IGDCC3: variants seen among roughly 807,000 people sequenced by gnomAD.
IGDCC3 encodes the protein putative neuronal cell adhesion molecule.
Under a neutral mutation model 72.0 loss-of-function variants are expected in IGDCC3, and 47 were observed. The observed-to-expected ratio is 0.65, with a 90% confidence interval of 0.52 to 0.83. The LOEUF is 0.83. IGDCC3 is among the 40% of genes least tolerant of loss of function. The probability of loss-of-function intolerance (pLI) is 0.00; values close to 1 mark genes in which losing one functional copy is unlikely to be tolerated. For synonymous variants in IGDCC3, 477 were observed against 472.8 expected, an observed-to-expected ratio of 1.01 and a Z score of -0.11; for missense variants, 1,038 against 1,091.3, an observed-to-expected ratio of 0.95 and a Z score of 0.69.
chr15:65,370,454 C>G (rs1020663875), intron 2 of IGDCC3, among the ~76,000 whole-genome samples: 1 of 147,420 alleles, frequency 6.8e-6, no homozygotes, highest in African/African-American at 2.5e-5. Context: ...GCAGATGTTG[C>G]AGTGAGCTGA....
chr15:65,340,217 G>T (rs956199631), intron 2 of IGDCC3, among the ~76,000 whole-genome samples: 1 of 152,212 alleles, frequency 6.6e-6, no homozygotes, highest in South Asian at 2.1e-4. Flanking sequence ...GGAGGGGAGG[G>T]GAACTCTCTT....
chr15:65,360,082 T>C (rs750414055), intron 2 of IGDCC3, among the ~76,000 whole-genome samples: 2 of 152,100 alleles, frequency 1.3e-5, no homozygotes, highest in Admixed American at 6.6e-5. Context: ...TGCAGACAAG[T>C]GGGAGGGATA....
chr15:65,344,051 G>C (rs774344344), intron 2 of IGDCC3, among the ~76,000 whole-genome samples: 10 of 152,178 alleles, frequency 6.6e-5, no homozygotes, highest in African/African-American at 1.4e-4. Context: ...CATCTGGGGT[G>C]GGGGAAGCAT....
intron 2 of IGDCC3, among the ~76,000 whole-genome samples, chr15:65,346,462 TC>T (rs1392195015): frequency 8.3e-6 from 1 of 120,320 alleles, no homozygotes; most frequent in Admixed American, 7.9e-5. Flanking sequence ...GAGACTCAGC[TC>T]TTTTTTTTTT....
At chr15:65,331,730 T>C in intron 7 of IGDCC3, 71 bp from the exon 8 acceptor site, 1 of 1,491,528 alleles carries the variant, frequency 6.7e-7, no homozygotes, top group South Asian at 1.3e-5. Context: ...ATTTGAAAGA[T>C]GGAGAAACTG....
At position 65,329,092 on chromosome 15, in the gene IGDCC3, A is replaced by T. The variant is rs755665607; in HGVS notation, c.2262T>A (p.Leu754=). The change falls in exon 14 of 14, where the codon CTT becomes CTA. Residue 754 remains leucine, a synonymous_variant. Transcript: ENST00000327987. This position sits in a 1 kb window ranked among gnomAD's most constrained non-coding sequence, Gnocchi z 4.1. ...TCCCCTCCATCAGGCCGCACCCCTG[A>T]AGTGGCAGCACGGAGAGCTGGGTCT... ...CEETQLSVLP[L]QGCGLMEGKT... is the part of the protein sequence containing the mutation. The T allele has an allele frequency of 3.8e-5, 62 of 1,610,972 alleles. No individual in the cohort carries two copies. The highest frequency in any genetic ancestry group is 4.9e-5 in the Non-Finnish European group (58 of 1,179,048).
At position 65,329,564 on chromosome 15, in the gene IGDCC3, C is replaced by A; in HGVS notation, c.2031G>T (p.Leu677=). The change falls in exon 13 of 14, where the codon CTG becomes CTT. Residue 677 remains leucine, a synonymous_variant. Coordinates refer to ENST00000327987, the MANE Select transcript of IGDCC3 (RefSeq NM_004884.4). The surrounding 1 kb of genome is among the most constrained non-coding windows in gnomAD (Gnocchi z 4.1). ...VLLCKDVENQ[L]SPPQGPRSQR... is the part of the protein sequence containing the mutation. ...GGCTCCGGGGACCCTGTGGAGGGGA[C>A]AGCTGGTTTTCCACATCTTTACACA... 1 of 1,611,952 alleles carries A rather than the reference C, an allele frequency of 6.2e-7. No individual in the cohort carries two copies. Among genetic ancestry groups the A allele is most frequent in the Admixed American group, 1.7e-5 (1 of 59,254 alleles).
At position 65,375,149 on chromosome 15, in the gene IGDCC3, G is replaced by C. The variant is rs2091350307; in HGVS notation, c.357C>G (p.Ala119=). 2 of 1,614,004 alleles carry C rather than the reference G, an allele frequency of 1.2e-6. No homozygotes were observed. Among genetic ancestry groups the C allele is most frequent in the Non-Finnish European group, 8.5e-7 (1 of 1,180,034 alleles). ...TGACCACCAGCCCAAAGCGGTTCTG[G>C]GCCACACACTCATAGTCACCTTCAT... is the stretch of plus-strand genomic sequence containing the variant. ...PSDEGDYECV[A]QNRFGLVVSR... Residue 119 remains alanine, a synonymous_variant, in exon 2 of 14, where the codon GCC becomes GCG. Coordinates refer to ENST00000327987, the MANE Select transcript of IGDCC3 (RefSeq NM_004884.4).
intron 2 of IGDCC3, among the ~76,000 whole-genome samples, chr15:65,353,396 G>A (rs1433410198): frequency 2.0e-5 from 3 of 151,992 alleles, no homozygotes; most frequent in African/African-American, 7.2e-5. Flanking sequence ...GACTACAGGC[G>A]CCTGCCATCA....
At chr15:65,360,334 G>A (rs2091252504) in intron 2 of IGDCC3, among the ~76,000 whole-genome samples, 1 of 152,206 alleles carries the variant, frequency 6.6e-6, no homozygotes, top group African/African-American at 2.4e-5. Context: ...CAGAAACAGA[G>A]GAGGGCACGA....
At chr15:65,362,110 G>A (rs572933159) in intron 2 of IGDCC3, among the ~76,000 whole-genome samples, 123 of 152,128 alleles carry the variant, frequency 8.1e-4, no homozygotes, top group African/African-American at 2.8e-3. Context: ...AAGTGGTACA[G>A]AGGGAGCTGG....
chr15:65,358,773 AC>A lies in IGDCC3; in HGVS notation c.409+16323del, dbSNP rs1192539218. Among the ~76,000 whole-genome samples the A allele has an allele frequency of 3.3e-4, 50 of 152,174 alleles. No individual in the cohort carries two copies. The East Asian group carries it at 8.7e-3, about 26-fold the overall frequency. On this transcript the variant is annotated intron_variant, in intron 2 of 13. Transcript: ENST00000327987. The stretch of plus-strand genomic sequence containing the variant: ...ACTCCTGGGCTCAACCGATCCTCCC[AC>A]CTCAGCCTTTTAAGTAACTGAAAAA...
chr15:65,328,644 C>T lies in IGDCC3; in HGVS notation c.*265G>A. Reference sequence around the variant, plus strand: ...GAAAAATGTTAGTTCAGTTCCAAGTCATGTGGGTACCAGGCAGAGGCAAGG... The same window carrying T: ...GAAAAATGTTAGTTCAGTTCCAAGTTATGTGGGTACCAGGCAGAGGCAAGG... On this transcript the variant is annotated 3_prime_UTR_variant, in exon 14 of 14. Transcript: ENST00000327987. 1 of 373,202 alleles carries T rather than the reference C, an allele frequency of 2.7e-6. No individual in the cohort carries two copies. The allele number at this position is 373,202 out of a possible 1,614,324, so 23.1% of individuals were successfully genotyped here. A position where few individuals can be genotyped will look rare whatever the true frequency, so the allele number is the denominator to read the frequency against.
At position 65,339,680 on chromosome 15, in the gene IGDCC3, C is replaced by T. The variant is rs775079438; in HGVS notation, c.410-3724G>A. Among the ~76,000 whole-genome samples, 1 of 152,182 alleles carries T rather than the reference C, an allele frequency of 6.6e-6. No individual in the cohort carries two copies. The highest frequency in any genetic ancestry group is 1.5e-5 in the Non-Finnish European group (1 of 68,044). ...CACCCTGAGATCTGAACAAGTCACCCTGCAGGCCACTGTGTTGCTGATGAC... is the reference window on the plus strand; with the variant it reads ...CACCCTGAGATCTGAACAAGTCACCTTGCAGGCCACTGTGTTGCTGATGAC... On this transcript the variant is annotated intron_variant, in intron 2 of 13. Transcript: ENST00000327987. This position sits in a 1 kb window ranked among gnomAD's most constrained non-coding sequence, Gnocchi z 4.1.
chr15:65,373,019 C>T (rs759244156), intron 2 of IGDCC3, among the ~76,000 whole-genome samples: 3 of 152,166 alleles, frequency 2.0e-5, no homozygotes, highest in Non-Finnish European at 4.4e-5. Context: ...CTGACCCCAC[C>T]CACAGCTTAA....
At position 65,333,367 on chromosome 15, in the gene IGDCC3, T is replaced by C. The variant is rs1235252411; in HGVS notation, c.872A>G (p.Asn291Ser). ...VEGIQVLGTGNLIISDVTVQH... is the reference protein window; with the variant it reads ...VEGIQVLGTGSLIISDVTVQH... Reference sequence around the variant, plus strand: ...GACCGTCACGTCTGAGATGATGAGGTTTCCTGTGCCCAGCACCTGGATGCC... The same window carrying C: ...GACCGTCACGTCTGAGATGATGAGGCTTCCTGTGCCCAGCACCTGGATGCC... Residue 291 changes from asparagine (N) to serine (S), a missense_variant, in exon 6 of 14, where the codon AAC becomes AGC. By Grantham distance (46) the Asn-to-Ser change is conservative (BLOSUM62 1). Transcript: ENST00000327987. 3.1e-6 allele frequency: 5 copies of C among 1,611,268 alleles called. No homozygotes were observed. The Admixed American group carries it at 8.4e-5, about 27-fold the overall frequency.
intron 2 of IGDCC3, among the ~76,000 whole-genome samples, chr15:65,343,256 G>C (rs369258370): frequency 5.3e-5 from 8 of 152,212 alleles, no homozygotes; most frequent in Admixed American, 3.9e-4. Context: ...TGGAAGAGCA[G>C]GGCGGGGGGT....
At chr15:65,346,758 C>G (rs1265283119) in intron 2 of IGDCC3, among the ~76,000 whole-genome samples, 1 of 152,148 alleles carries the variant, frequency 6.6e-6, no homozygotes, top group East Asian at 1.9e-4. Flanking sequence ...CATGCCCGGC[C>G]GAGACTCAGC....
Position 65,328,969 on chromosome 15 carries a change from T to C in IGDCC3, c.2385A>G (p.Glu795=). ...CCGCTGCAGGCCTGGAAGCCTGGCC[T>C]TCACTGAGGAGGCCAGGGCCTCCAT... ...PPDGGPGLLS[E]GQASRPAAAR... The change falls in exon 14 of 14, where the codon GAA becomes GAG. Residue 795 remains glutamate, a synonymous_variant. Transcript: ENST00000327987. 6.3e-7 allele frequency: 1 copy of C among 1,594,660 alleles called. No individual in the cohort carries two copies. Among genetic ancestry groups the C allele is most frequent in the Non-Finnish European group, 8.5e-7 (1 of 1,172,464 alleles).
Sources: allele counts gnomAD v4.1 joint callset (sites outside exome capture counted in the v4.1 genomes callset), GRCh38; gene constraint gnomAD v4.1.1; non-coding constraint Gnocchi (gnomAD v3.1); transcripts MANE v1.5; gene names NCBI Gene and HGNC (gene_info 2026-07-23, HGNC 2026-07-21).